HIPK2: variants seen among roughly 807,000 people sequenced by gnomAD.
HIPK2 encodes homeodomain-interacting protein kinase 2.
HIPK2 carries 27 observed loss-of-function variants against 113.7 expected under a neutral mutation model. The observed-to-expected ratio is 0.24, with a 90% confidence interval of 0.17 to 0.33. HIPK2 has a LOEUF of 0.33. Among genes scored for constraint, HIPK2 ranks in the 10% least tolerant of loss-of-function variants. The pLI, the probability that HIPK2 is intolerant of heterozygous loss-of-function variation, is 1.00. For missense variants in HIPK2, 1,257 were observed against 1,588.0 expected (o/e 0.79, Z 3.54); for synonymous variants, 631 against 642.2 (o/e 0.98, Z 0.26).
chr7:139,728,235 G>C (rs1416212176), intron 1 of HIPK2, among the ~76,000 whole-genome samples: 2 of 152,084 alleles, frequency 1.3e-5, no homozygotes, highest in Admixed American at 1.3e-4. Flanking sequence ...GAGCCACTGT[G>C]CCTGGCTGGG....
At chr7:139,707,416 C>T (rs1022080087) in intron 2 of HIPK2, among the ~76,000 whole-genome samples, 6 of 152,260 alleles carry the variant, frequency 3.9e-5, no homozygotes, top group Non-Finnish European at 7.3e-5. Context: ...AGAAGGGTGG[C>T]CCTGTCTGCA....
intron 6 of HIPK2, among the ~76,000 whole-genome samples, chr7:139,621,925 G>GA (rs34446527): frequency 0.14 from 10,590 of 75,198 alleles, 1,488 homozygotes; most frequent in African/African-American, 0.36. Context: ...CCTGTCTCAG[G>GA]AAAAAAAAAA....
chr7:139,654,100 G>T (rs1477821326), intron 2 of HIPK2, among the ~76,000 whole-genome samples: 2 of 152,190 alleles, frequency 1.3e-5, no homozygotes, highest in Admixed American at 6.5e-5. Flanking sequence ...TGATAAAGCA[G>T]CAAAACAGAG....
At position 139,631,839 on chromosome 7, in the gene HIPK2, G is replaced by A; in HGVS notation, c.1104-114C>T. ...CCATTACTGACTCCTCCTCTGAAGG[G>A]CCTGTGGCTCTCAGGAGAGGCGCTG... On this transcript the variant is annotated intron_variant, in intron 2 of 14. Transcript: ENST00000406875. The surrounding 1 kb of genome is among the most constrained non-coding windows in gnomAD (Gnocchi z 4.9). 7.6e-7 allele frequency: 1 copy of A among 1,324,350 alleles called. No individual in the cohort carries two copies. The highest frequency in any genetic ancestry group is 1.0e-6 in the Non-Finnish European group (1 of 986,792). The allele number at this position is 1,324,350 out of a possible 1,614,324, so 82.0% of individuals were successfully genotyped here.
chr7:139,772,762 T>TG (rs903397613), intron 1 of HIPK2, among the ~76,000 whole-genome samples: 6 of 151,398 alleles, frequency 4.0e-5, no homozygotes, highest in African/African-American at 1.5e-4. Context: ...ATTTTTTTTT[T>TG]TTTTTGTATT....
intron 1 of HIPK2, among the ~76,000 whole-genome samples, chr7:139,720,382 G>A (rs1781856003): frequency 6.6e-6 from 1 of 152,182 alleles, no homozygotes; most frequent in African/African-American, 2.4e-5. Context: ...TGGATCTGCT[G>A]GAGGGTGTTC....
At chr7:139,693,685 G>T (rs1267201549) in intron 2 of HIPK2, among the ~76,000 whole-genome samples, 1 of 151,752 alleles carries the variant, frequency 6.6e-6, no homozygotes, top group Non-Finnish European at 1.5e-5. Context: ...AGAAGGTATG[G>T]GATGCTATGA....
intron 2 of HIPK2, among the ~76,000 whole-genome samples, chr7:139,698,225 T>C (rs1256966018): frequency 1.3e-5 from 2 of 152,256 alleles, no homozygotes; most frequent in Non-Finnish European, 2.9e-5. Context: ...GATACGTGTA[T>C]GCCTTCTTTC....
chr7:139,750,831 C>G (rs1441403105), intron 1 of HIPK2, among the ~76,000 whole-genome samples: 2 of 152,118 alleles, frequency 1.3e-5, no homozygotes, highest in Non-Finnish European at 2.9e-5. Context: ...TTGAAAAGAA[C>G]TAAAAAAATC....
At chr7:139,734,706 T>C (rs1795889700) in intron 1 of HIPK2, among the ~76,000 whole-genome samples, 1 of 152,226 alleles carries the variant, frequency 6.6e-6, no homozygotes, top group Admixed American at 6.5e-5. Context: ...GTTTTAAAAA[T>C]AGCATGGCTC....
At chr7:139,587,756 T>C (rs1268200873) in intron 12 of HIPK2, among the ~76,000 whole-genome samples, 2 of 152,048 alleles carry the variant, frequency 1.3e-5, no homozygotes, top group Admixed American at 6.6e-5. Context: ...TGTGCACCTA[T>C]AGTCCTAGCT....
At chr7:139,659,043 A>T (rs1438880868) in intron 2 of HIPK2, among the ~76,000 whole-genome samples, 1 of 151,674 alleles carries the variant, frequency 6.6e-6, no homozygotes, top group African/African-American at 2.4e-5. Context: ...TGATGGACAT[A>T]TTTCTCGCTG....
At chr7:139,699,598 C>T (rs1418040793) in intron 2 of HIPK2, among the ~76,000 whole-genome samples, 1 of 152,214 alleles carries the variant, frequency 6.6e-6, no homozygotes, top group Non-Finnish European at 1.5e-5. Flanking sequence ...AAGGCTGGGC[C>T]TGCAGCTGGG....
At chr7:139,754,960 T>C (rs902641994) in intron 1 of HIPK2, among the ~76,000 whole-genome samples, 1 of 152,080 alleles carries the variant, frequency 6.6e-6, no homozygotes, top group Non-Finnish European at 1.5e-5. Flanking sequence ...GGCACAGAGA[T>C]CTCCATAAGT....
chr7:139,740,162 C>T (rs1380898397), intron 1 of HIPK2, among the ~76,000 whole-genome samples: 1 of 152,182 alleles, frequency 6.6e-6, no homozygotes, highest in African/African-American at 2.4e-5. Context: ...CCCCAGAGGT[C>T]CCAGGCAAAG....
At chr7:139,623,012 T>C (rs1042565169) in intron 6 of HIPK2, among the ~76,000 whole-genome samples, 1 of 152,194 alleles carries the variant, frequency 6.6e-6, no homozygotes, top group Non-Finnish European at 1.5e-5. Flanking sequence ...ACTGTTTTGG[T>C]GCAGACGGCT....
At position 139,688,218 on chromosome 7, in the gene HIPK2, C is replaced by T. The variant is rs535846133; in HGVS notation, c.1103+27714G>A. On this transcript the variant is annotated intron_variant, in intron 2 of 14. Coordinates refer to ENST00000406875, the MANE Select transcript of HIPK2 (RefSeq NM_022740.5). ...AGGCCTGTGTGAGCTCCTCCTCTTT[C>T]GTGACCACGTGAATCTGGAGCTGAT... 4.6e-5 allele frequency among the ~76,000 whole-genome samples: 7 copies of T among 152,344 alleles called. No homozygotes were observed. The South Asian group carries it at 1.4e-3, about 32-fold the overall frequency.
rs1336643196 is a variant in HIPK2 at position 139,562,809 on chromosome 7, A to T, written c.*10118T>A. 6.6e-6 allele frequency: 1 copy of T among 152,282 alleles called. No individual in the cohort carries two copies. The highest frequency in any genetic ancestry group is 1.5e-5 in the Non-Finnish European group (1 of 68,070). The allele number at this position is 152,282 out of a possible 1,614,324, so 9.4% of individuals were successfully genotyped here. A position where few individuals can be genotyped will look rare whatever the true frequency, so the allele number is the denominator to read the frequency against. ...GACCTCTAAAGAGCTCCTTCTCCTC[A>T]TCTGTAAAGCTATACTTCTCCTATC... On this transcript the variant is annotated 3_prime_UTR_variant, in exon 15 of 15. Coordinates refer to ENST00000406875, the MANE Select transcript of HIPK2 (RefSeq NM_022740.5).
rs561766464 is a variant in HIPK2 at position 139,654,085 on chromosome 7, T to C, written c.1104-22360A>G. Among the ~76,000 whole-genome samples, 23 of 152,334 alleles carry C rather than the reference T, an allele frequency of 1.5e-4. No individual in the cohort carries two copies. The East Asian group carries it at 2.3e-3, about 15-fold the overall frequency. Reference sequence around the variant, plus strand: ...GTTTGTGTATGTGCAGCCCAGCTTATTGAATGATAAAGCAGCAAAACAGAG... The same window carrying C: ...GTTTGTGTATGTGCAGCCCAGCTTACTGAATGATAAAGCAGCAAAACAGAG... On this transcript the variant is annotated intron_variant, in intron 2 of 14. Coordinates refer to ENST00000406875, the MANE Select transcript of HIPK2 (RefSeq NM_022740.5).
Sources: allele counts gnomAD v4.1 joint callset (sites outside exome capture counted in the v4.1 genomes callset), GRCh38; gene constraint gnomAD v4.1.1; non-coding constraint Gnocchi (gnomAD v3.1); transcripts MANE v1.5; gene names NCBI Gene and HGNC (gene_info 2026-07-23, HGNC 2026-07-21).